Variants in CFH observed in about 807,000 individuals in gnomAD.
The protein encoded by CFH is complement factor H.
A neutral mutation model predicts 147.3 loss-of-function variants in CFH; 53 were observed. The observed-to-expected ratio is 0.36, with a 90% CI of 0.29 to 0.45. The LOEUF is 0.45. Among genes scored for constraint, CFH ranks in the 20% least tolerant of loss-of-function variants. The pLI, the probability that CFH is intolerant of heterozygous loss-of-function variation, is 1.00. For synonymous variants in CFH, 536 were observed against 489.4 expected (o/e 1.10, Z -1.26); for missense variants, 1,380 against 1,498.0 (o/e 0.92, Z 1.30).
intron 11 of CFH, among the ~76,000 whole-genome samples, chr1:196,716,966 G>A (rs1005493237): frequency 2.0e-5 from 3 of 151,812 alleles, no homozygotes; most frequent in Non-Finnish European, 4.4e-5. Context: ...ACGCTAAATT[G>A]GATAAGAATA....
chr1:196,733,906 G>A (rs556711112), intron 15 of CFH, among the ~76,000 whole-genome samples: 1 of 152,094 alleles, frequency 6.6e-6, no homozygotes, highest in East Asian at 1.9e-4. Flanking sequence ...AAAACTTCTC[G>A]GGAGAAACAG....
At chr1:196,680,324 A>G (rs1309201432) in intron 6 of CFH, among the ~76,000 whole-genome samples, 1 of 151,542 alleles carries the variant, frequency 6.6e-6, no homozygotes, top group African/African-American at 2.4e-5. Context: ...AAAAAAAAAA[A>G]AAAACCTCTC....
intron 7 of CFH, among the ~76,000 whole-genome samples, chr1:196,685,525 GTTAT>G (rs1352910101): frequency 6.6e-6 from 1 of 151,834 alleles, no homozygotes; most frequent in Admixed American, 6.6e-5. Flanking sequence ...TACTATATTA[GTTAT>G]TTATTGCATT....
chr1:196,744,725 A>G (rs759221420), intron 20 of CFH, among the ~76,000 whole-genome samples: 5 of 152,132 alleles, frequency 3.3e-5, no homozygotes, highest in Non-Finnish European at 7.4e-5. Flanking sequence ...AATTGAAAAA[A>G]CTTATGAGGA....
At chr1:196,654,913 C>T (rs1482175100) in intron 1 of CFH, among the ~76,000 whole-genome samples, 1 of 151,964 alleles carries the variant, frequency 6.6e-6, no homozygotes, top group Non-Finnish European at 1.5e-5. Context: ...CCCTTTGCTC[C>T]CCCAAACCCC....
Position 196,736,890 on chromosome 1 carries a change from T to C in CFH, c.2480T>C (p.Leu827Pro), listed in dbSNP as rs1242342911. The C allele has an allele frequency of 1.2e-6, 2 of 1,608,254 alleles. No homozygotes were observed. The highest frequency in any genetic ancestry group is 1.7e-5 in the Admixed American group (1 of 59,514). The change falls in exon 16 of 22, where the codon CTG becomes CCG. Residue 827 changes from leucine to proline, a missense_variant. Leu to Pro is a moderately conservative substitution (Grantham distance 98, BLOSUM62 -3). Around this residue, in one of 4 missense-constraint regions of CFH, gnomAD observed 830 missense variants for 821.4 expected, o/e 1.01. Transcript: ENST00000367429. ...IPNSHNMTTT[L>P]NYRDGEKVSV... ...AATTCTCACAATATGACAACCACAC[T>C]GAATTATCGGGATGGAGAAAAAGTA...
At chr1:196,678,510 TA>T (rs1361470926) in intron 5 of CFH, 1 of 151,966 alleles carries the variant, frequency 6.6e-6, no homozygotes, top group Non-Finnish European at 1.5e-5. Flanking sequence ...TAGATACAGA[TA>T]AAAGAATTTC....
At chr1:196,692,750 CTT>C (rs1243941624) in intron 9 of CFH, among the ~76,000 whole-genome samples, 4 of 7,760 alleles carry the variant, frequency 5.2e-4, no homozygotes, top group Admixed American at 1.8e-3. Context: ...CTTTCTTTTT[CTT>C]TCTTTCTTTC....
At chr1:196,659,047 G>A (rs1334475345) in intron 1 of CFH, among the ~76,000 whole-genome samples, 1 of 152,106 alleles carries the variant, frequency 6.6e-6, no homozygotes, top group Non-Finnish European at 1.5e-5. Flanking sequence ...TCTAGAATGA[G>A]AAAAATGAGA....
At chr1:196,728,280 T>C in intron 14 of CFH, 66 bp from the exon 15 acceptor site, 1 of 1,111,424 alleles carries the variant, frequency 9.0e-7, no homozygotes, top group Non-Finnish European at 1.3e-6. Flanking sequence ...TTTATAACTA[T>C]TTTTATGTAA....
At position 196,685,091 on chromosome 1, in the gene CFH, C is replaced by T. The variant is rs1192982067; in HGVS notation, c.818C>T (p.Pro273Leu). 3 of 1,610,132 alleles carry T rather than the reference C, an allele frequency of 1.9e-6. No homozygotes were observed. The African/African-American group carries it at 4.0e-5, about 22-fold the overall frequency. Residue 273 changes from proline to leucine, a missense_variant, in exon 7 of 22, where the codon CCA becomes CTA. Around this residue, in one of 4 missense-constraint regions of CFH, gnomAD observed 167 missense variants for 228.0 expected, o/e 0.73. Transcript: ENST00000367429. ...AAATCATGTGATAATCCTTATATTC[C>T]AAATGGTGACTACTCACCTTTAAGG... ...EEKSCDNPYI[P>L]NGDYSPLRIK...
chr1:196,669,578 C>T (rs1014805022), intron 1 of CFH, among the ~76,000 whole-genome samples: 4 of 152,194 alleles, frequency 2.6e-5, no homozygotes, highest in Non-Finnish European at 5.9e-5. Flanking sequence ...AATGAAAGCC[C>T]TAAGCCTTGG....
chr1:196,652,246 G>A (rs1367344166), intron 1 of CFH, 71 bp downstream of exon 1: 1 of 1,222,112 alleles, frequency 8.2e-7, no homozygotes, highest in African/African-American at 1.5e-5. Flanking sequence ...TTTCACAGGA[G>A]TAATAAAAAT....
At chr1:196,714,132 T>C (rs1313370181) in intron 10 of CFH, among the ~76,000 whole-genome samples, 1 of 152,094 alleles carries the variant, frequency 6.6e-6, no homozygotes, top group East Asian at 1.9e-4. Flanking sequence ...TCTAAAGCAT[T>C]CTGTGTTACA....
chr1:196,665,473 ATATG>A (rs1190749335), intron 1 of CFH, among the ~76,000 whole-genome samples: 1 of 151,792 alleles, frequency 6.6e-6, no homozygotes, highest in African/African-American at 2.4e-5. Context: ...AATGAAACAT[ATATG>A]TATTTATTTT....
At chr1:196,706,050 G>A (rs554449120) in intron 9 of CFH, among the ~76,000 whole-genome samples, 6 of 151,966 alleles carry the variant, frequency 3.9e-5, no homozygotes, top group South Asian at 2.1e-4. Flanking sequence ...ATGCACCACG[G>A]ACAACAGAAG....
At chr1:196,697,313 AAAAC>A (rs1294225764) in intron 9 of CFH, among the ~76,000 whole-genome samples, 5 of 152,144 alleles carry the variant, frequency 3.3e-5, no homozygotes, top group African/African-American at 1.2e-4. Context: ...TTACAAGAAA[AAAAC>A]AAACAACCCC....
At chr1:196,652,257 T>G (rs1488664752) in intron 1 of CFH, 82 bp downstream of exon 1, 11 of 1,133,408 alleles carry the variant, frequency 9.7e-6, no homozygotes, top group Non-Finnish European at 1.3e-5. Flanking sequence ...TAATAAAAAT[T>G]TGATTTAGAA....
At chr1:196,675,020 T>C (rs1667407953) in intron 3 of CFH, among the ~76,000 whole-genome samples, 2 of 152,194 alleles carry the variant, frequency 1.3e-5, no homozygotes, top group Non-Finnish European at 2.9e-5. Context: ...CCTTCAATCA[T>C]TACTGCTGAT....
Sources: allele counts gnomAD v4.1 joint callset (sites outside exome capture counted in the v4.1 genomes callset), GRCh38; gene constraint gnomAD v4.1.1; regional missense constraint gnomAD v4.1.1; transcripts MANE v1.5; gene names NCBI Gene and HGNC (gene_info 2026-07-23, HGNC 2026-07-21).